The following HIVEP3 variants were observed in gnomAD, a reference collection of about 807,000 sequenced individuals.
HIVEP3 encodes transcription factor HIVEP3.
A neutral mutation model predicts 152.8 loss-of-function variants in HIVEP3; 49 were observed. That is an observed-to-expected ratio of 0.32 (90% CI 0.26 to 0.41). HIVEP3 has a LOEUF of 0.41. Ranked by LOEUF, HIVEP3 falls within the 10% of genes least tolerant of loss-of-function variation. The pLI is 1.00. For synonymous variants in HIVEP3, 1,269 were observed against 1,289.0 expected, an observed-to-expected ratio of 0.98 and a Z score of 0.33; for missense variants, 2,790 against 3,103.3, an observed-to-expected ratio of 0.90 and a Z score of 2.40.
chr1:41,677,690 G>C (rs1042259915), intron 2 of HIVEP3, among the ~76,000 whole-genome samples: 5 of 152,240 alleles, frequency 3.3e-5, no homozygotes, highest in African/African-American at 1.2e-4. Context: ...CCCAGCTAAA[G>C]TCCAATATCT....
intron 1 of HIVEP3, among the ~76,000 whole-genome samples, chr1:41,892,661 A>G (rs1644463981): frequency 6.6e-6 from 1 of 152,180 alleles, no homozygotes; most frequent in South Asian, 2.1e-4. Flanking sequence ...CTGTGACTCC[A>G]GTTAAATCAA....
intron 1 of HIVEP3, among the ~76,000 whole-genome samples, chr1:41,809,180 C>T (rs933795304): frequency 6.6e-6 from 1 of 152,234 alleles, no homozygotes. Flanking sequence ...AAAATATTCC[C>T]TTCTCCTGGC....
chr1:41,844,863 G>A (rs1643391726), intron 1 of HIVEP3, among the ~76,000 whole-genome samples: 1 of 152,204 alleles, frequency 6.6e-6, no homozygotes, highest in African/African-American at 2.4e-5. Flanking sequence ...ACTATACCTA[G>A]AACACACCAG....
chr1:41,650,099 A>T (rs1159687107), intron 2 of HIVEP3, among the ~76,000 whole-genome samples: 1 of 152,018 alleles, frequency 6.6e-6, no homozygotes, highest in Non-Finnish European at 1.5e-5. Flanking sequence ...AGGCAGCCCC[A>T]CACTGCAAGG....
At chr1:41,901,916 T>C (rs1196109467) in intron 1 of HIVEP3, among the ~76,000 whole-genome samples, 2 of 152,230 alleles carry the variant, frequency 1.3e-5, no homozygotes, top group African/African-American at 4.8e-5. Flanking sequence ...GGCGAGCTCC[T>C]TGTCTGCTCT....
At chr1:41,762,256 T>A (rs988247559) in intron 1 of HIVEP3, among the ~76,000 whole-genome samples, 10 of 152,192 alleles carry the variant, frequency 6.6e-5, no homozygotes, top group African/African-American at 2.4e-4. Flanking sequence ...TGTAGCTTAA[T>A]AAAACTCTTA....
chr1:41,989,396 A>G (rs1645343489), intron 1 of HIVEP3, among the ~76,000 whole-genome samples: 1 of 152,206 alleles, frequency 6.6e-6, no homozygotes, highest in Non-Finnish European at 1.5e-5. Context: ...AAAAATAAAC[A>G]AGGAATCATA....
At position 41,617,794 on chromosome 1, in the gene HIVEP3, C is replaced by A. The variant is rs533859750; in HGVS notation, c.-522+10955G>T. Reference sequence around the variant, plus strand: ...TGAGATATTAAAGACCAGCCAAATTCTACTCCCACATCATAAGAAACTGGA... The same window carrying A: ...TGAGATATTAAAGACCAGCCAAATTATACTCCCACATCATAAGAAACTGGA... On this transcript the variant is annotated intron_variant, in intron 3 of 8. Transcript: ENST00000372583. Among the ~76,000 whole-genome samples, 5 of 152,352 alleles carry A rather than the reference C, an allele frequency of 3.3e-5. No individual in the cohort carries two copies. The East Asian group carries it at 9.6e-4, about 29-fold the overall frequency.
At chr1:41,554,569 C>T (rs1643936650) in intron 5 of HIVEP3, among the ~76,000 whole-genome samples, 1 of 152,210 alleles carries the variant, frequency 6.6e-6, no homozygotes, top group South Asian at 2.1e-4. Flanking sequence ...AGAAGAGGCA[C>T]TCTGATCTTT....
intron 2 of HIVEP3, among the ~76,000 whole-genome samples, chr1:41,685,889 T>C (rs1010495941): frequency 1.3e-5 from 2 of 152,050 alleles, no homozygotes; most frequent in Non-Finnish European, 1.5e-5. Context: ...ACTCCCCCTC[T>C]CTCAGGGGCT....
chr1:41,819,184 G>A (rs549219448), intron 1 of HIVEP3, among the ~76,000 whole-genome samples: 1 of 152,202 alleles, frequency 6.6e-6, no homozygotes, highest in South Asian at 2.1e-4. Flanking sequence ...GTATGTGTGT[G>A]TTGAAATCTT....
intron 1 of HIVEP3, among the ~76,000 whole-genome samples, chr1:41,993,824 A>T (rs1298209019): frequency 1.3e-5 from 2 of 152,018 alleles, no homozygotes; most frequent in East Asian, 3.9e-4. Context: ...GCAGCCATAA[A>T]AAATGATGAG....
intron 1 of HIVEP3, among the ~76,000 whole-genome samples, chr1:41,961,428 GC>G (rs1645168920): frequency 6.6e-6 from 1 of 152,236 alleles, no homozygotes; most frequent in Non-Finnish European, 1.5e-5. Context: ...AGTGAGCTTC[GC>G]CACATCACTG....
chr1:41,817,967 T>C (rs1417497245), intron 1 of HIVEP3, among the ~76,000 whole-genome samples: 1 of 152,156 alleles, frequency 6.6e-6, no homozygotes. Context: ...GATTCCACCC[T>C]CTTGAGCTGA....
chr1:41,832,698 T>G (rs1643000072), intron 1 of HIVEP3, among the ~76,000 whole-genome samples: 1 of 152,248 alleles, frequency 6.6e-6, no homozygotes. Context: ...ATTTAGTAAG[T>G]GTTCAAAGTG....
At chr1:42,022,247 G>T (rs915499726) in intron 1 of HIVEP3, among the ~76,000 whole-genome samples, 5 of 152,036 alleles carry the variant, frequency 3.3e-5, no homozygotes, top group African/African-American at 1.2e-4. Flanking sequence ...TATTCTTAAA[G>T]AATCTATGCT....
chr1:41,657,256 G>A (rs911410059), intron 2 of HIVEP3, among the ~76,000 whole-genome samples: 2 of 152,238 alleles, frequency 1.3e-5, no homozygotes, highest in Non-Finnish European at 2.9e-5. Flanking sequence ...AGACCAGGCT[G>A]ATGCAGGTGA....
At chr1:42,026,350 T>C (rs988799202) in intron 1 of HIVEP3, among the ~76,000 whole-genome samples, 1 of 152,230 alleles carries the variant, frequency 6.6e-6, no homozygotes, top group African/African-American at 2.4e-5. Flanking sequence ...TTTATTAGGA[T>C]CGACAAATGT....
At chr1:41,813,687 C>T (rs551413145) in intron 1 of HIVEP3, among the ~76,000 whole-genome samples, 114 of 152,286 alleles carry the variant, frequency 7.5e-4, no homozygotes, top group African/African-American at 2.2e-3. Context: ...CTCTCTGATG[C>T]CCAATATGTA....
Sources: gnomAD v4.1 joint callset for allele counts (sites outside exome capture counted in the v4.1 genomes callset) on GRCh38, gnomAD v4.1.1 for gene constraint, MANE v1.5 for transcripts, NCBI Gene and HGNC (gene_info 2026-07-23, HGNC 2026-07-21) for gene names.